The following CCDC191 variants were observed in gnomAD, a reference collection of about 807,000 sequenced individuals.
The protein encoded by CCDC191 is coiled-coil domain containing 191.
A neutral mutation model predicts 114.0 loss-of-function variants in CCDC191; 99 were observed. That is an observed-to-expected ratio of 0.87 (90% confidence interval 0.74 to 1.03). The LOEUF is 1.03. Ranked by LOEUF, CCDC191 falls within the 50% of genes least tolerant of loss-of-function variation. CCDC191 has a pLI of 0.00. For synonymous variants in CCDC191, 351 were observed against 376.0 expected, an observed-to-expected ratio of 0.93 and a Z score of 0.77; for missense variants, 973 against 1,087.0, an observed-to-expected ratio of 0.90 and a Z score of 1.47.
chr3:113,967,505 ATAT>A (rs1417938135), intron 16 of CCDC191, among the ~76,000 whole-genome samples: 2 of 151,944 alleles, frequency 1.3e-5, no homozygotes, highest in African/African-American at 4.8e-5. Context: ...TCTTTTTATA[ATAT>A]TTTTATTGAT....
chr3:114,042,665 T>C (rs2076578855), intron 4 of CCDC191, 38 bp downstream of exon 4: 1 of 1,476,124 alleles, frequency 6.8e-7, no homozygotes, highest in Non-Finnish European at 9.0e-7. Flanking sequence ...ACACATTCAT[T>C]AGATGTTAAA....
At chr3:113,996,120 T>C (rs2075715193) in intron 13 of CCDC191, among the ~76,000 whole-genome samples, 2 of 152,338 alleles carry the variant, frequency 1.3e-5, no homozygotes, top group African/African-American at 2.4e-5. Flanking sequence ...AGAAGCTCTT[T>C]AGTTTAATTA....
In CCDC191 at chr3:113,966,870, G is replaced by A. The variant is rs201432144; in HGVS notation, c.2607-1511C>T. Among the ~76,000 whole-genome samples the A allele has an allele frequency of 1.0e-3, 153 of 152,084 alleles. 3 individuals carry two copies. In the East Asian group the frequency reaches 0.015, roughly 15 times the overall value. ...TCCCAGCACTTTGGGAGGTTGAGGC[G>A]GGTGACTCATTTGAGGTCAGGAGTT... On this transcript the variant is annotated intron_variant, in intron 16 of 16. Transcript: ENST00000295878.
At chr3:113,982,418 C>A (rs201170523) in intron 13 of CCDC191, among the ~76,000 whole-genome samples, 1 of 152,102 alleles carries the variant, frequency 6.6e-6, no homozygotes, top group African/African-American at 2.4e-5. Context: ...TATAAAATGT[C>A]TTTAATAGCA....
At chr3:114,008,359 T>A (rs923456563) in intron 9 of CCDC191, among the ~76,000 whole-genome samples, 3 of 151,914 alleles carry the variant, frequency 2.0e-5, no homozygotes, top group African/African-American at 7.2e-5. Flanking sequence ...AACAAGCATC[T>A]TCCTGATCCC....
intron 4 of CCDC191, among the ~76,000 whole-genome samples, chr3:114,039,183 T>G (rs1488738566): frequency 6.6e-6 from 1 of 152,094 alleles, no homozygotes; most frequent in African/African-American, 2.4e-5. Flanking sequence ...ACTTTTATCA[T>G]TATCTTAGAG....
Position 114,031,662 on chromosome 3 carries a change from TTTCA to T in CCDC191, c.932_935del (p.Leu311Ter), listed in dbSNP as rs754118659. ...CTTTGAAAGTTTGGATTAATACTTC[TTTCA>T]ATTTCCTTTTTCTTTCCTTCACCAT... On this transcript the variant is annotated frameshift_variant, in exon 7 of 17. Coordinates refer to ENST00000295878, the MANE Select transcript of CCDC191 (RefSeq NM_020817.2). LOFTEE classifies it high-confidence loss of function. The T allele has an allele frequency of 6.2e-7, 1 of 1,610,496 alleles. No homozygotes were observed. The highest frequency in any genetic ancestry group is 2.2e-5 in the East Asian group (1 of 44,808).
At chr3:113,968,920 C>T (rs1940509425) in intron 16 of CCDC191, among the ~76,000 whole-genome samples, 1 of 151,306 alleles carries the variant, frequency 6.6e-6, no homozygotes, top group African/African-American at 2.4e-5. Flanking sequence ...ATTGGACTTG[C>T]AGTTTTGCCA....
rs540695719 is a variant in CCDC191, at chr3:114,008,009, T to A, written c.1414-2047A>T. ...GATTTCAGAGATTTGGAGTCTTTTG[T>A]TCCCTTGAGTCTAAATATATATAAA... On this transcript the variant is annotated intron_variant, in intron 9 of 16. Transcript: ENST00000295878. Among the ~76,000 whole-genome samples, 3 of 148,330 alleles carry A rather than the reference T, an allele frequency of 2.0e-5. No individual in the cohort carries two copies. The East Asian group carries it at 5.8e-4, about 29-fold the overall frequency.
chr3:114,024,273 G>A (rs373073972), intron 7 of CCDC191, among the ~76,000 whole-genome samples: 12 of 152,078 alleles, frequency 7.9e-5, no homozygotes, highest in African/African-American at 1.4e-4. Flanking sequence ...TAGTTCAACC[G>A]TTGTGGAAGT....
At chr3:113,976,190 C>T (rs904267094) in intron 16 of CCDC191, among the ~76,000 whole-genome samples, 10 of 151,700 alleles carry the variant, frequency 6.6e-5, no homozygotes, top group Non-Finnish European at 1.0e-4. Context: ...ACCCAGGAGG[C>T]GGAGGTTGCA....
chr3:114,043,952 G>A (rs868105307), intron 3 of CCDC191, among the ~76,000 whole-genome samples: 5 of 152,028 alleles, frequency 3.3e-5, no homozygotes, highest in African/African-American at 2.4e-5. Flanking sequence ...TTACTGAGAC[G>A]GGGAAGGCCA....
At chr3:113,982,186 A>C (rs1192256255) in intron 13 of CCDC191, among the ~76,000 whole-genome samples, 1 of 152,182 alleles carries the variant, frequency 6.6e-6, no homozygotes, top group African/African-American at 2.4e-5. Flanking sequence ...TCAGCTCCAA[A>C]AGGAAAATTA....
At chr3:114,054,283 G>A (rs1435632764) in intron 1 of CCDC191, 1 of 152,016 alleles carries the variant, frequency 6.6e-6, no homozygotes, top group African/African-American at 2.4e-5. Context: ...TAGAAGCTTG[G>A]AGAATTCCCT....
chr3:114,018,865 G>T lies in CCDC191; in HGVS notation c.976C>A (p.Gln326Lys). ...IQTFKENQQC[Q>K]KRYFAAWHKL... is the part of the protein sequence containing the mutation. ...TGCCAGGCAGCGAAATACCGTTTTT[G>T]ACACTGCAGCGGAAATATTAGGAAA... Residue 326 changes from glutamine to lysine, a missense_variant, in exon 8 of 17, where the codon CAA (glutamine) becomes AAA (lysine). Coordinates refer to ENST00000295878, the MANE Select transcript of CCDC191 (RefSeq NM_020817.2). 6.2e-7 allele frequency: 1 copy of T among 1,613,284 alleles called. No homozygotes were observed. The highest frequency in any genetic ancestry group is 1.1e-5 in the South Asian group (1 of 91,014).
chr3:114,040,134 A>C (rs1577467374), intron 4 of CCDC191, among the ~76,000 whole-genome samples: 1 of 152,182 alleles, frequency 6.6e-6, no homozygotes, highest in Non-Finnish European at 1.5e-5. Context: ...TTAGACACCC[A>C]AATACTTACC....
intron 16 of CCDC191, among the ~76,000 whole-genome samples, chr3:113,973,259 C>A (rs1940998784): frequency 6.6e-6 from 1 of 152,150 alleles, no homozygotes; most frequent in Non-Finnish European, 1.5e-5. Context: ...TTTTATATTA[C>A]CTCTTAGCAG....
chr3:114,009,118 C>T (rs1231679206), intron 9 of CCDC191, among the ~76,000 whole-genome samples: 1 of 152,132 alleles, frequency 6.6e-6, no homozygotes, highest in African/African-American at 2.4e-5. Flanking sequence ...TATGGGGGCA[C>T]TTACCATGAA....
At chr3:114,017,102 CT>C (rs374809107) in intron 8 of CCDC191, among the ~76,000 whole-genome samples, 1,692 of 136,458 alleles carry the variant, frequency 0.012, 13 homozygotes, top group African/African-American at 0.029. Flanking sequence ...CAAGGATTCA[CT>C]TTTTTTTTTT....
Sources: gnomAD v4.1 joint callset for allele counts (sites outside exome capture counted in the v4.1 genomes callset) on GRCh38, gnomAD v4.1.1 for gene constraint, MANE v1.5 for transcripts, NCBI Gene and HGNC (gene_info 2026-07-23, HGNC 2026-07-21) for gene names.